SH3GL2: variants seen among roughly 807,000 people sequenced by gnomAD.
The protein encoded by SH3GL2 is SH3 domain containing GRB2 like 2, endophilin A1, also known as endophilin-A1.
SH3GL2 carries 24 observed loss-of-function variants against 46.0 expected under a neutral mutation model. That is an observed-to-expected ratio of 0.52 (90% CI 0.38 to 0.73). The LOEUF is 0.73. SH3GL2 is among the 30% of genes least tolerant of loss of function. SH3GL2 has a pLI of 0.00. For synonymous variants in SH3GL2, 196 were observed against 147.1 expected, an observed-to-expected ratio of 1.33 and a Z score of -2.40; for missense variants, 413 against 424.2, an observed-to-expected ratio of 0.97 and a Z score of 0.23.
chr9:17,677,619 G>A (rs1325930375), intron 1 of SH3GL2, among the ~76,000 whole-genome samples: 1 of 137,256 alleles, frequency 7.3e-6, no homozygotes, highest in Non-Finnish European at 1.5e-5. Flanking sequence ...TGTTTAAATT[G>A]TATGGTATAT....
intron 1 of SH3GL2, among the ~76,000 whole-genome samples, chr9:17,706,229 C>G (rs533146377): frequency 6.6e-6 from 1 of 152,056 alleles, no homozygotes; most frequent in African/African-American, 2.4e-5. Context: ...GTCATGATCC[C>G]AGTGCCTTTT....
At chr9:17,748,885 G>A (rs1822766825) in intron 2 of SH3GL2, among the ~76,000 whole-genome samples, 1 of 152,086 alleles carries the variant, frequency 6.6e-6, no homozygotes, top group African/African-American at 2.4e-5. Flanking sequence ...GCCTGGTAAA[G>A]GAAACAGCAT....
At chr9:17,587,180 C>T (rs577163359) in intron 1 of SH3GL2, among the ~76,000 whole-genome samples, 11 of 152,034 alleles carry the variant, frequency 7.2e-5, no homozygotes, top group Admixed American at 3.3e-4. Flanking sequence ...CCAGCCTGGG[C>T]GACAGAGCGA....
intron 1 of SH3GL2, among the ~76,000 whole-genome samples, chr9:17,719,216 C>T (rs1252652170): frequency 1.3e-5 from 2 of 152,132 alleles, no homozygotes; most frequent in African/African-American, 4.8e-5. Context: ...ACTTAGTCCT[C>T]TCTTAGCATT....
At chr9:17,732,684 C>G (rs1301406652) in intron 1 of SH3GL2, among the ~76,000 whole-genome samples, 1 of 151,934 alleles carries the variant, frequency 6.6e-6, no homozygotes, top group Non-Finnish European at 1.5e-5. Flanking sequence ...ATTCAATAGG[C>G]CTATAGGCAA....
chr9:17,732,067 T>C (rs914390503), intron 1 of SH3GL2, among the ~76,000 whole-genome samples: 17 of 152,314 alleles, frequency 1.1e-4, no homozygotes, highest in Non-Finnish European at 2.9e-5. Flanking sequence ...TGATCATGAC[T>C]GTTTTAAATG....
chr9:17,770,763 G>A (rs1006437842), intron 3 of SH3GL2, among the ~76,000 whole-genome samples: 6 of 152,188 alleles, frequency 3.9e-5, no homozygotes, highest in African/African-American at 1.2e-4. Flanking sequence ...AGGAACTGGG[G>A]GTAGTCTCTA....
chr9:17,689,784 A>T (rs1002935477), intron 1 of SH3GL2, among the ~76,000 whole-genome samples: 3 of 152,122 alleles, frequency 2.0e-5, no homozygotes, highest in Admixed American at 2.0e-4. Context: ...TGATTATAAT[A>T]GTATCTCCTG....
intron 1 of SH3GL2, among the ~76,000 whole-genome samples, chr9:17,620,785 A>G (rs1367030735): frequency 2.0e-5 from 3 of 152,188 alleles, no homozygotes; most frequent in African/African-American, 7.2e-5. Context: ...GACCTGCTAG[A>G]TGATGGAGCC....
At chr9:17,596,402 T>C (rs1818571875) in intron 1 of SH3GL2, among the ~76,000 whole-genome samples, 1 of 152,146 alleles carries the variant, frequency 6.6e-6, no homozygotes, top group Non-Finnish European at 1.5e-5. Flanking sequence ...CACTGTTTTT[T>C]CGTAAAGGGA....
At chr9:17,684,959 A>G (rs1337483692) in intron 1 of SH3GL2, among the ~76,000 whole-genome samples, 1 of 152,182 alleles carries the variant, frequency 6.6e-6, no homozygotes, top group South Asian at 2.1e-4. Context: ...TGAACTGACA[A>G]CTGCGATAAA....
chr9:17,757,617 A>G (rs1366660151), intron 2 of SH3GL2, among the ~76,000 whole-genome samples: 2 of 152,232 alleles, frequency 1.3e-5, no homozygotes, highest in African/African-American at 2.4e-5. Context: ...CTTGTAATTT[A>G]GGATGCATCA....
chr9:17,671,748 A>G (rs1820480582), intron 1 of SH3GL2, among the ~76,000 whole-genome samples: 1 of 152,232 alleles, frequency 6.6e-6, no homozygotes, highest in Non-Finnish European at 1.5e-5. Context: ...ACTGTGTTGA[A>G]ACTGAGAATT....
intron 1 of SH3GL2, among the ~76,000 whole-genome samples, chr9:17,688,230 C>T (rs1318511216): frequency 1.3e-5 from 2 of 152,052 alleles, no homozygotes; most frequent in Non-Finnish European, 2.9e-5. Flanking sequence ...GACTCAGCAT[C>T]ACAATGTGGC....
chr9:17,715,157 A>G (rs1270727974), intron 1 of SH3GL2, among the ~76,000 whole-genome samples: 1 of 137,768 alleles, frequency 7.3e-6, no homozygotes, highest in African/African-American at 2.6e-5. Context: ...TTTCCTTATC[A>G]CTGGTTTTGA....
intron 1 of SH3GL2, among the ~76,000 whole-genome samples, chr9:17,622,516 C>G (rs765629242): frequency 5.9e-5 from 9 of 152,106 alleles, no homozygotes; most frequent in Non-Finnish European, 1.0e-4. Context: ...TTTCCAGATT[C>G]GGCGCCACCT....
intron 1 of SH3GL2, among the ~76,000 whole-genome samples, chr9:17,673,609 T>G (rs1002109678): frequency 1.6e-4 from 24 of 152,170 alleles, no homozygotes; most frequent in African/African-American, 4.6e-4. Context: ...GTCTGAGCTC[T>G]TTGACTTGAC....
At chr9:17,602,192 T>G (rs1818684263) in intron 1 of SH3GL2, among the ~76,000 whole-genome samples, 1 of 152,142 alleles carries the variant, frequency 6.6e-6, no homozygotes, top group South Asian at 2.1e-4. Flanking sequence ...GCTCGTGGCA[T>G]TTCAACACCT....
chr9:17,782,116 A>G (rs1823826076), intron 3 of SH3GL2, among the ~76,000 whole-genome samples: 1 of 152,136 alleles, frequency 6.6e-6, no homozygotes, highest in African/African-American at 2.4e-5. Flanking sequence ...TTTTTGGTAA[A>G]TGACTATATT....
Sources: allele counts gnomAD v4.1 joint callset (sites outside exome capture counted in the v4.1 genomes callset), GRCh38; gene constraint gnomAD v4.1.1; transcripts MANE v1.5; gene names NCBI Gene and HGNC (gene_info 2026-07-23, HGNC 2026-07-21).